ESRRA: variants seen among roughly 807,000 people sequenced by gnomAD.
ESRRA encodes the protein steroid hormone receptor ERR1.
ESRRA carries 7 observed loss-of-function variants against 35.6 expected under a neutral mutation model. That is an observed-to-expected ratio of 0.20 (90% confidence interval 0.11 to 0.37). The LOEUF is 0.37. Ranked by LOEUF, ESRRA falls within the 10% of genes least tolerant of loss-of-function variation. ESRRA has a pLI of 1.00. For missense variants in ESRRA, 378 were observed against 561.7 expected (o/e 0.67, Z 3.31); for synonymous variants, 223 against 246.9 (o/e 0.90, Z 0.91).
chr11:64,308,691 C>T (rs1435934232), intron 2 of ESRRA, among the ~76,000 whole-genome samples: 1 of 150,534 alleles, frequency 6.6e-6, no homozygotes, highest in African/African-American at 2.5e-5. Flanking sequence ...TGGCGGGCGC[C>T]TGTAATCCCA....
At chr11:64,306,482 C>A in intron 1 of ESRRA, 1 of 152,662 alleles carries the variant, frequency 6.6e-6, no homozygotes, top group Non-Finnish European at 1.5e-5. Flanking sequence ...TTCATGAGTC[C>A]GTGCCTGTGC....
chr11:64,315,340 G>C lies in ESRRA; in HGVS notation c.1012+70G>C, dbSNP rs1228926565. On this transcript the variant is annotated intron_variant, in intron 6 of 6. Transcript: ENST00000000442. ...TCTTCAGGTTAACTCAGTGACGGTA[G>C]CACAGCCCCATTTTGCAGATAACGA... 3 of 1,467,656 alleles carry C rather than the reference G, an allele frequency of 2.0e-6. No individual in the cohort carries two copies. In the African/African-American group the frequency reaches 4.2e-5, roughly 21 times the overall value. 90.9% of individuals were successfully genotyped at this position (1,467,656 alleles called of 1,614,324 possible).
intron 6 of ESRRA, 73 bp downstream of exon 6, chr11:64,315,343 C>A: frequency 6.8e-7 from 1 of 1,463,250 alleles, no homozygotes; most frequent in Non-Finnish European, 9.1e-7. Context: ...GACGGTAGCA[C>A]AGCCCCATTT....
At chr11:64,308,772 C>T (rs71456304) in intron 2 of ESRRA, among the ~76,000 whole-genome samples, 17,739 of 146,846 alleles carry the variant, frequency 0.12, 1,322 homozygotes, top group Middle Eastern at 0.17. Flanking sequence ...GCCAAGATCA[C>T]GCCACTGCAC....
intron 6 of ESRRA, 93 bp downstream of exon 6, chr11:64,315,363 C>G: frequency 7.2e-7 from 1 of 1,386,962 alleles, no homozygotes; most frequent in Admixed American, 2.8e-5. Flanking sequence ...TTGCAGATAA[C>G]GAAAACTGAG....
In ESRRA at chr11:64,316,215, G is replaced by C. The variant is rs1449935227; in HGVS notation, c.*249G>C. 1 of 464,442 alleles carries C rather than the reference G, an allele frequency of 2.2e-6. No homozygotes were observed. Among genetic ancestry groups the C allele is most frequent in the Middle Eastern group, 5.6e-4 (1 of 1,794 alleles). The allele number at this position is 464,442 out of a possible 1,614,324, so 28.8% of individuals were successfully genotyped here. ...TTGCAAGCCATAACGTGCCCCCAGA[G>C]TGTAGGGGGCCTTGCGGAAGCCATA... On this transcript the variant is annotated 3_prime_UTR_variant, in exon 7 of 7. Coordinates refer to ENST00000000442, the MANE Select transcript of ESRRA (RefSeq NM_004451.5).
chr11:64,306,126 G>C (rs1407164838), intron 1 of ESRRA: 4 of 152,290 alleles, frequency 2.6e-5, no homozygotes, highest in Non-Finnish European at 5.9e-5. Context: ...GGCGCTCGAA[G>C]GGGCCTGGGG....
rs926435308 is a variant in ESRRA at position 64,305,855 on chromosome 11, A to T, written c.-13+119A>T. On this transcript the variant is annotated intron_variant, in intron 1 of 6. Coordinates refer to ENST00000000442, the MANE Select transcript of ESRRA (RefSeq NM_004451.5). The surrounding 1 kb of genome is among the most constrained non-coding windows in gnomAD (Gnocchi z 5.8). The stretch of plus-strand genomic sequence containing the variant: ...GCAGGCGGGGTCCGACTCTGGGGCC[A>T]GTCCGGGCCACGGTTGGGACCCAGT... 1.3e-5 allele frequency: 2 copies of T among 151,908 alleles called. No individual in the cohort carries two copies. Among genetic ancestry groups the T allele is most frequent in the East Asian group, 3.9e-4 (2 of 5,112 alleles). The allele number at this position is 151,908 out of a possible 1,614,324, so 9.4% of individuals were successfully genotyped here.
At chr11:64,309,795 C>T (rs1304293959) in intron 2 of ESRRA, among the ~76,000 whole-genome samples, 3 of 151,140 alleles carry the variant, frequency 2.0e-5, no homozygotes, top group African/African-American at 7.3e-5. Context: ...AGCCAGGTGT[C>T]GTGGTGGGTG....
chr11:64,309,434 CAA>C (rs5792320), intron 2 of ESRRA, among the ~76,000 whole-genome samples: 7 of 122,544 alleles, frequency 5.7e-5, no homozygotes, highest in African/African-American at 1.3e-4. Context: ...ACTCTCATCT[CAA>C]AAAAAAAAAA....
At chr11:64,307,631 C>T (rs892989920) in intron 2 of ESRRA, 127 bp downstream of exon 2, 7 of 651,964 alleles carry the variant, frequency 1.1e-5, no homozygotes, top group Non-Finnish European at 1.7e-5. Context: ...AGTCCCTCTA[C>T]CTCCCAGAGA....
At chr11:64,314,686 C>T in intron 4 of ESRRA, 55 bp from the exon 5 acceptor site, 4 of 1,545,186 alleles carry the variant, frequency 2.6e-6, no homozygotes, top group South Asian at 1.2e-5. Context: ...GATGCTTGAC[C>T]CCTGAGGCCT....
Position 64,314,946 on chromosome 11 carries a change from CG to C in ESRRA, c.742+38del, listed in dbSNP as rs746475686. 3.7e-6 allele frequency: 6 copies of C among 1,605,662 alleles called. No individual in the cohort carries two copies. The Admixed American group carries it at 5.1e-5, about 14-fold the overall frequency. ...CCAGGTGACCCGGGGCTGCCCTGAA[CG>C]GGCCCGGCTCTGGTGCGCTTGCTCA... is the stretch of plus-strand genomic sequence containing the variant. On this transcript the variant is annotated intron_variant, in intron 5 of 6. Transcript: ENST00000000442.
Position 64,316,117 on chromosome 11 carries a change from C to T in ESRRA, c.*151C>T, listed in dbSNP as rs775203872. 34 of 870,220 alleles carry T rather than the reference C, an allele frequency of 3.9e-5. No individual in the cohort carries two copies. Among genetic ancestry groups the T allele is most frequent in the Non-Finnish European group, 5.2e-5 (30 of 571,442 alleles). 53.9% of individuals were successfully genotyped at this position (870,220 alleles called of 1,614,324 possible). A position where few individuals can be genotyped will look rare whatever the true frequency, so the allele number is the denominator to read the frequency against. The stretch of plus-strand genomic sequence containing the variant: ...TCAGCCCCTGGGAACAGGCCCCACG[C>T]CCTCTCCTCCCCCTCCTAGGGGGTG... On this transcript the variant is annotated 3_prime_UTR_variant, in exon 7 of 7. Coordinates refer to ENST00000000442, the MANE Select transcript of ESRRA (RefSeq NM_004451.5).
At position 64,305,532 on chromosome 11, in the gene ESRRA, G is replaced by GAGGAAGCGGAGT. The variant is rs2035013242; in HGVS notation, c.-207_-196dup. 6.6e-6 allele frequency: 1 copy of GAGGAAGCGGAGT among 152,226 alleles called. No homozygotes were observed. Among genetic ancestry groups the GAGGAAGCGGAGT allele is most frequent in the African/African-American group, 2.4e-5 (1 of 41,388 alleles). The allele number at this position is 152,226 out of a possible 1,614,324, so 9.4% of individuals were successfully genotyped here. ...CCGGCCCCACCCCCGCTGTCAGCTG[G>GAGGAAGCGGAGT]AGGAAGCGGAGTAGGAAGCGGCCGC... On this transcript the variant is annotated 5_prime_UTR_variant, in exon 1 of 7. Transcript: ENST00000000442. This position sits in a 1 kb window ranked among gnomAD's most constrained non-coding sequence, Gnocchi z 5.8.
intron 2 of ESRRA, among the ~76,000 whole-genome samples, chr11:64,311,410 G>A (rs1182920867): frequency 7.5e-6 from 1 of 133,002 alleles, no homozygotes. Context: ...GCTCCAGAGG[G>A]CTTGTCTTTT....
chr11:64,315,600 A>G (rs907225556), intron 6 of ESRRA, 107 bp from the exon 7 acceptor site: 9 of 1,452,164 alleles, frequency 6.2e-6, no homozygotes, highest in African/African-American at 5.6e-5. Flanking sequence ...CAATCAACAA[A>G]TCCTCGTTTG....
Position 64,314,354 on chromosome 11 carries a change from C to A in ESRRA, c.558C>A (p.Gly186=). 1 of 1,583,178 alleles carries A rather than the reference C, an allele frequency of 6.3e-7. No homozygotes were observed. The highest frequency in any genetic ancestry group is 8.6e-7 in the Non-Finnish European group (1 of 1,164,528). The change falls in exon 4 of 7, where the codon GGC becomes GGA. Residue 186 remains glycine (G), a synonymous_variant. Coordinates refer to ENST00000000442, the MANE Select transcript of ESRRA (RefSeq NM_004451.5). ...FPAGPLAVAG[G]PRKTAAPVNA... is the part of the protein sequence containing the mutation. ...CTGGGCCCCTGGCAGTCGCTGGAGG[C>A]CCCCGGAAGACAGGTGAGAGCACTG...
chr11:64,312,969 T>A (rs1030925490), intron 2 of ESRRA, among the ~76,000 whole-genome samples: 2 of 152,150 alleles, frequency 1.3e-5, no homozygotes, highest in African/African-American at 2.4e-5. Context: ...CGCTTTGGCT[T>A]GGACTCAGAG....
Sources: allele counts gnomAD v4.1 joint callset (sites outside exome capture counted in the v4.1 genomes callset), GRCh38; gene constraint gnomAD v4.1.1; non-coding constraint Gnocchi (gnomAD v3.1); transcripts MANE v1.5; gene names NCBI Gene and HGNC (gene_info 2026-07-23, HGNC 2026-07-21).